The following POSTN variants were observed in gnomAD, a reference collection of about 807,000 sequenced individuals.
POSTN encodes the protein periostin.
A neutral mutation model predicts 104.5 loss-of-function variants in POSTN; 71 were observed. That is an observed-to-expected ratio of 0.68 (90% confidence interval 0.56 to 0.83). The LOEUF is 0.83. Among genes scored for constraint, POSTN ranks in the 40% least tolerant of loss-of-function variants. The probability of loss-of-function intolerance (pLI) is 0.00; values close to 1 mark genes in which losing one functional copy is unlikely to be tolerated. For synonymous variants in POSTN, 355 were observed against 340.7 expected (o/e 1.04, Z -0.46); for missense variants, 949 against 1,006.8 (o/e 0.94, Z 0.78).
rs1038164444 is a variant in POSTN, at chr13:37,563,756, A to G, written c.2474-386T>C. 2.0e-5 allele frequency among the ~76,000 whole-genome samples: 3 copies of G among 151,982 alleles called. No individual in the cohort carries two copies. In the East Asian group the frequency reaches 5.8e-4, roughly 29 times the overall value. On this transcript the variant is annotated intron_variant, in intron 22 of 22. Transcript: ENST00000379747. ...ATAAGCCTTGTGTCTCCTTTTCACT[A>G]CTAGTATCTAATTAACCCAGAAATT...
intron 1 of POSTN, 72 bp downstream of exon 1, chr13:37,598,536 T>G: frequency 7.1e-7 from 1 of 1,411,394 alleles, no homozygotes; most frequent in Non-Finnish European, 9.7e-7. Context: ...ATGAGAAACT[T>G]TATGCATACT....
chr13:37,582,387 G>A lies in POSTN; in HGVS notation c.1371C>T (p.Leu457=). 6.2e-7 allele frequency: 1 copy of A among 1,613,308 alleles called. No individual in the cohort carries two copies. Among genetic ancestry groups the A allele is most frequent in the Non-Finnish European group, 8.5e-7 (1 of 1,179,780 alleles). ...QILETIGGKQ[L]RVFVYRTAVC... ...TTACTGTACGATATACGAAGACTCT[G>A]AGCTGTTTGCCTCCGATGGTTTCCA... The change falls in exon 10 of 23, where the codon CTC becomes CTT. Residue 457 remains leucine, a synonymous_variant. Transcript: ENST00000379747.
Position 37,584,874 on chromosome 13 carries a change from C to T in POSTN, c.950G>A (p.Gly317Glu), listed in dbSNP as rs201806969. 6.2e-7 allele frequency: 1 copy of T among 1,613,862 alleles called. No homozygotes were observed. Among genetic ancestry groups the T allele is most frequent in the Non-Finnish European group, 8.5e-7 (1 of 1,179,932 alleles). ...TTCCAGCGTCTCAAAGACTGCTCCT[C>T]CCATAATAGACTCAGAACACTGGAG... ...NTLQCSESIM[G>E]GAVFETLEGN... is the part of the protein sequence containing the mutation. Residue 317 changes from glycine (G) to glutamate (E), a missense_variant, in exon 8 of 23, where the codon GGA (glycine) becomes GAA (glutamate). Transcript: ENST00000379747.
chr13:37,563,513 T>G (rs1452049793), intron 22 of POSTN, 143 bp from the exon 23 acceptor site: 1 of 394,578 alleles, frequency 2.5e-6, no homozygotes, highest in Non-Finnish European at 4.5e-6. Flanking sequence ...TATCTTCAAC[T>G]TATGGTGAAG....
intron 5 of POSTN, among the ~76,000 whole-genome samples, chr13:37,587,270 A>G (rs1226194527): frequency 6.6e-6 from 1 of 152,196 alleles, no homozygotes; most frequent in East Asian, 1.9e-4. Context: ...AAAGAAGTCT[A>G]ATCAGTCCTA....
chr13:37,574,697 C>T, intron 16 of POSTN, 45 bp from the exon 17 acceptor site: 1 of 1,534,306 alleles, frequency 6.5e-7, no homozygotes, highest in Non-Finnish European at 8.7e-7. Flanking sequence ...TACATAAAAA[C>T]CTGAACAAAG....
intron 21 of POSTN, among the ~76,000 whole-genome samples, chr13:37,566,939 A>C (rs1367684047): frequency 6.6e-6 from 1 of 152,130 alleles, no homozygotes; most frequent in East Asian, 1.9e-4. Context: ...CCAAAAGTAC[A>C]AAAAATGTAC....
At chr13:37,596,270 T>C (rs2138413509) in intron 2 of POSTN, among the ~76,000 whole-genome samples, 1 of 152,260 alleles carries the variant, frequency 6.6e-6, no homozygotes, top group Middle Eastern at 3.4e-3. Context: ...TTCAAATTAA[T>C]AGGAAGCAGG....
At chr13:37,565,539 A>G (rs556548450) in intron 21 of POSTN, 1 of 152,188 alleles carries the variant, frequency 6.6e-6, no homozygotes, top group African/African-American at 2.4e-5. Context: ...GTCACCATGA[A>G]TAGTTTTGGC....
rs942617173 is a variant in POSTN, at chr13:37,569,969, A to G, written c.2270-148T>C. 6.0e-5 allele frequency: 36 copies of G among 603,070 alleles called. No homozygotes were observed. In the African/African-American group the frequency reaches 6.5e-4, roughly 11 times the overall value. The allele number at this position is 603,070 out of a possible 1,614,324, so 37.4% of individuals were successfully genotyped here. On this transcript the variant is annotated intron_variant, in intron 19 of 22. Transcript: ENST00000379747. ...GATACTTCAGTGTGAAAGCAGCCTT[A>G]GGTATTATATAAATGGATGGGAAAG...
chr13:37,589,812 T>C (rs974240247), intron 4 of POSTN, among the ~76,000 whole-genome samples: 1 of 152,192 alleles, frequency 6.6e-6, no homozygotes, highest in Non-Finnish European at 1.5e-5. Flanking sequence ...ATCAGTTTTA[T>C]AGATTCGGAA....
At chr13:37,588,988 T>C (rs1950843046) in intron 4 of POSTN, among the ~76,000 whole-genome samples, 1 of 152,018 alleles carries the variant, frequency 6.6e-6, no homozygotes, top group East Asian at 1.9e-4. Context: ...TTTTTAAGAA[T>C]TGGAGAAAGG....
At chr13:37,570,368 AC>A in intron 19 of POSTN, among the ~76,000 whole-genome samples, 1 of 151,938 alleles carries the variant, frequency 6.6e-6, no homozygotes, top group South Asian at 2.1e-4. Context: ...TGTAATAAAA[AC>A]AAATGCTTTT....
chr13:37,581,365 C>A (rs754469593), intron 10 of POSTN, among the ~76,000 whole-genome samples: 1 of 152,068 alleles, frequency 6.6e-6, no homozygotes, highest in South Asian at 2.1e-4. Flanking sequence ...AAATACTGAA[C>A]GTATCATTAG....
rs1950196539 is a variant in POSTN, at chr13:37,569,309, G to A, written c.2422C>T (p.Leu808Phe). 1.9e-6 allele frequency: 3 copies of A among 1,611,330 alleles called. No homozygotes were observed. The highest frequency in any genetic ancestry group is 2.5e-6 in the Non-Finnish European group (3 of 1,177,906). The change falls in exon 21 of 23, where the codon CTT becomes TTT. Residue 808 changes from leucine to phenylalanine, a missense_variant. Coordinates refer to ENST00000379747, the MANE Select transcript of POSTN (RefSeq NM_006475.3). ...TTGTCCTTTTACTAACCTCCCTGAA[G>A]CAGTCTTTTAATTTCTTCATCTTCA... ...LFEDEEIKRL[L>F]QGDTPVRKLQ...
At chr13:37,583,443 G>GTTTT (rs5802885) in intron 9 of POSTN, among the ~76,000 whole-genome samples, 7 of 127,292 alleles carry the variant, frequency 5.5e-5, no homozygotes, top group East Asian at 2.4e-4. Flanking sequence ...TTTAAGTTTC[G>GTTTT]TTTTTTTTTT....
At chr13:37,595,866 A>G (rs1337814416) in intron 2 of POSTN, among the ~76,000 whole-genome samples, 1 of 146,548 alleles carries the variant, frequency 6.8e-6, no homozygotes, top group African/African-American at 2.5e-5. Flanking sequence ...TCGGGAGTGC[A>G]GTGGTGCCAT....
chr13:37,597,146 T>C (rs1168276899), intron 2 of POSTN, 38 bp downstream of exon 2: 1 of 1,387,610 alleles, frequency 7.2e-7, no homozygotes, highest in Non-Finnish European at 9.8e-7. Flanking sequence ...GATGTTGTTT[T>C]TGGAACTGAC....
chr13:37,564,840 G>A, intron 21 of POSTN: 1 of 274,434 alleles, frequency 3.6e-6, no homozygotes, highest in Non-Finnish European at 6.8e-6. Flanking sequence ...TGCCATTTTT[G>A]CAGAGTAAAT....
Sources: gnomAD v4.1 joint callset for allele counts (sites outside exome capture counted in the v4.1 genomes callset) on GRCh38, gnomAD v4.1.1 for gene constraint, MANE v1.5 for transcripts, NCBI Gene and HGNC (gene_info 2026-07-23, HGNC 2026-07-21) for gene names.